Variants in GRID2 observed in about 807,000 individuals in gnomAD.
The protein encoded by GRID2 is glutamate receptor ionotropic, delta-2.
A neutral mutation model predicts 114.8 loss-of-function variants in GRID2; 33 were observed. That is an observed-to-expected ratio of 0.29 (90% CI 0.22 to 0.38). The LOEUF (loss-of-function observed/expected upper bound fraction) is 0.38. Among genes scored for constraint, GRID2 ranks in the 10% least tolerant of loss-of-function variants. The pLI is 1.00. For missense variants in GRID2, 1,184 were observed against 1,257.7 expected (o/e 0.94, Z 0.89); for synonymous variants, 505 against 449.9 (o/e 1.12, Z -1.55).
intron 13 of GRID2, among the ~76,000 whole-genome samples, chr4:93,545,155 C>T (rs900868883): frequency 6.6e-6 from 1 of 152,144 alleles, no homozygotes; most frequent in African/African-American, 2.4e-5. Context: ...AGGTCTCTGC[C>T]TTCATGCAGC....
At chr4:93,268,641 G>A (rs889478972) in intron 8 of GRID2, among the ~76,000 whole-genome samples, 1 of 152,048 alleles carries the variant, frequency 6.6e-6, no homozygotes, top group African/African-American at 2.4e-5. Context: ...CCTCTTACAT[G>A]TTACATTTTA....
intron 1 of GRID2, among the ~76,000 whole-genome samples, chr4:92,307,383 G>C (rs1363917935): frequency 6.6e-6 from 1 of 152,072 alleles, no homozygotes; most frequent in Admixed American, 6.6e-5. Flanking sequence ...CATGTGATGT[G>C]TTCAAGCAGA....
chr4:92,755,366 G>C (rs930329517), intron 2 of GRID2, among the ~76,000 whole-genome samples: 1 of 152,086 alleles, frequency 6.6e-6, no homozygotes, highest in Admixed American at 6.6e-5. Flanking sequence ...TCATTGTATA[G>C]ATAAGTAAAT....
intron 3 of GRID2, among the ~76,000 whole-genome samples, chr4:93,108,880 C>T (rs995013697): frequency 2.6e-5 from 4 of 152,110 alleles, no homozygotes; most frequent in African/African-American, 4.8e-5. Context: ...CTGCCCCCCT[C>T]GGTCTCCCAA....
chr4:93,138,454 C>G lies in GRID2; in HGVS notation c.735+27501C>G, dbSNP rs968686016. On this transcript the variant is annotated intron_variant, in intron 4 of 15. Transcript: ENST00000282020. Reference sequence around the variant, plus strand: ...AGCTTCATTAAATCTCTGTATTGCCCCATTACAGCATATCCAGCCAAAATA... The same window carrying G: ...AGCTTCATTAAATCTCTGTATTGCCGCATTACAGCATATCCAGCCAAAATA... Among the ~76,000 whole-genome samples the G allele has an allele frequency of 4.6e-5, 7 of 152,184 alleles. No individual in the cohort carries two copies. In the South Asian group the frequency reaches 1.0e-3, roughly 23 times the overall value.
intron 2 of GRID2, among the ~76,000 whole-genome samples, chr4:92,835,466 C>T (rs1314899037): frequency 6.6e-6 from 1 of 151,994 alleles, no homozygotes; most frequent in Non-Finnish European, 1.5e-5. Flanking sequence ...AGTTCTGGTT[C>T]AGGAAATTCT....
chr4:92,959,520 A>G (rs910457781), intron 2 of GRID2, among the ~76,000 whole-genome samples: 3 of 152,056 alleles, frequency 2.0e-5, no homozygotes, highest in South Asian at 2.1e-4. Context: ...AACCCAAAGG[A>G]TTATAAACCA....
intron 2 of GRID2, among the ~76,000 whole-genome samples, chr4:92,727,213 TA>T (rs545824992): frequency 2.0e-5 from 3 of 152,032 alleles, no homozygotes; most frequent in African/African-American, 7.2e-5. Flanking sequence ...TAAACAAAAG[TA>T]AAAAAAGTTC....
intron 2 of GRID2, among the ~76,000 whole-genome samples, chr4:92,639,332 CAT>C (rs1289541966): frequency 6.6e-6 from 1 of 151,636 alleles, no homozygotes; most frequent in Non-Finnish European, 1.5e-5. Flanking sequence ...CATTAGGTCT[CAT>C]ATATCTAATA....
intron 8 of GRID2, among the ~76,000 whole-genome samples, chr4:93,383,277 G>T (rs1325194201): frequency 1.3e-5 from 2 of 152,112 alleles, no homozygotes; most frequent in African/African-American, 4.8e-5. Context: ...TAAGCAATCA[G>T]AGCACAGATC....
intron 2 of GRID2, among the ~76,000 whole-genome samples, chr4:92,800,475 G>A (rs1740098887): frequency 6.6e-6 from 1 of 151,898 alleles, no homozygotes; most frequent in Non-Finnish European, 1.5e-5. Flanking sequence ...AAGCAAATAG[G>A]AAATAAAATA....
chr4:92,524,443 G>C (rs1211342760), intron 1 of GRID2, among the ~76,000 whole-genome samples: 1 of 112,680 alleles, frequency 8.9e-6, no homozygotes, highest in Non-Finnish European at 1.7e-5. Flanking sequence ...TTACCATCTA[G>C]AGGCTGTCTT....
intron 2 of GRID2, among the ~76,000 whole-genome samples, chr4:93,048,505 G>GA (rs1353402118): frequency 6.6e-6 from 1 of 151,912 alleles, no homozygotes; most frequent in African/African-American, 2.4e-5. Flanking sequence ...ACTGACTTCT[G>GA]AAAATCACAG....
intron 1 of GRID2, among the ~76,000 whole-genome samples, chr4:92,458,199 G>A (rs747825268): frequency 2.6e-5 from 4 of 152,072 alleles, no homozygotes; most frequent in Non-Finnish European, 5.9e-5. Flanking sequence ...AAAATAAATA[G>A]GGAAGCTAAA....
At chr4:93,396,440 A>T (rs1453294858) in intron 9 of GRID2, among the ~76,000 whole-genome samples, 1 of 151,946 alleles carries the variant, frequency 6.6e-6, no homozygotes, top group African/African-American at 2.4e-5. Flanking sequence ...CTTATAGGTT[A>T]TAGAGTGTGG....
Position 93,614,664 on chromosome 4 carries a change from A to T in GRID2, c.2194-11605A>T, listed in dbSNP as rs144686938. 5.7e-3 allele frequency among the ~76,000 whole-genome samples: 866 copies of T among 152,260 alleles called. 12 individuals carry two copies. Among genetic ancestry groups the T allele is most frequent in the African/African-American group, 0.019 (794 of 41,554 alleles). On this transcript the variant is annotated intron_variant, in intron 13 of 15. Transcript: ENST00000282020. The stretch of plus-strand genomic sequence containing the variant: ...GATAGTAGTACTAATTAAATAATAG[A>T]TGTGACAAAAGTATAACAATATTTT...
chr4:92,340,202 C>T (rs1419851266), intron 1 of GRID2, among the ~76,000 whole-genome samples: 2 of 152,046 alleles, frequency 1.3e-5, no homozygotes, highest in Non-Finnish European at 2.9e-5. Flanking sequence ...CTTTCTATTT[C>T]GCTCTCCCAC....
chr4:92,921,986 G>C (rs1749386735), intron 2 of GRID2, among the ~76,000 whole-genome samples: 1 of 152,156 alleles, frequency 6.6e-6, no homozygotes, highest in Non-Finnish European at 1.5e-5. Flanking sequence ...GAGCTTTGGT[G>C]GGCTCCACCC....
intron 8 of GRID2, among the ~76,000 whole-genome samples, chr4:93,264,734 T>TTA (rs57194878): frequency 0.019 from 1,729 of 90,996 alleles, 50 homozygotes; most frequent in African/African-American, 0.076. Context: ...ATCATTTGAA[T>TTA]TATATATATA....
Sources: allele counts gnomAD v4.1 joint callset (sites outside exome capture counted in the v4.1 genomes callset), GRCh38; gene constraint gnomAD v4.1.1; transcripts MANE v1.5; gene names NCBI Gene and HGNC (gene_info 2026-07-23, HGNC 2026-07-21).